The following NXPE4 variants were observed in gnomAD, a reference collection of about 807,000 sequenced individuals.
NXPE4 encodes neurexophilin and PC-esterase domain family member 4, also known as NXPE family member 4.
Under a neutral mutation model 33.3 loss-of-function variants are expected in NXPE4, and 42 were observed. The observed-to-expected ratio is 1.26, with a 90% CI of 0.98 to 1.63. The LOEUF (loss-of-function observed/expected upper bound fraction) is 1.63. NXPE4 is among the 40% of genes most tolerant of loss of function. The pLI, the probability that NXPE4 is intolerant of heterozygous loss-of-function variation, is 0.00. For missense variants in NXPE4, 709 were observed against 647.6 expected, an observed-to-expected ratio of 1.09 and a Z score of -1.03; for synonymous variants, 253 against 234.9, an observed-to-expected ratio of 1.08 and a Z score of -0.71.
chr11:114,639,781 A>G, the NXPE4 span, among the ~76,000 whole-genome samples: 3 of 127,800 alleles, frequency 2.3e-5, no homozygotes, highest in East Asian at 4.3e-4. Flanking sequence ...ATAATATAAA[A>G]TATAATATAT....
rs1004302011 is a variant in NXPE4 at position 114,582,660 on chromosome 11, C to T, written c.458G>A (p.Gly153Glu). 6.8e-6 allele frequency: 11 copies of T among 1,614,052 alleles called. No individual in the cohort carries two copies. The African/African-American group carries it at 1.2e-4, about 18-fold the overall frequency. The change falls in exon 3 of 6, where the codon GGA becomes GAA. Residue 153 changes from glycine (G) to glutamate (E), a missense_variant. By Grantham distance (98) the Gly-to-Glu change is moderately conservative. Transcript: ENST00000375478. ...GCCGTTGTTGAAGTCAGTCACCTTTCCTGAAGCACCTGCCATCAGCGCTGG... is the reference window on the plus strand; with the variant it reads ...GCCGTTGTTGAAGTCAGTCACCTTTTCTGAAGCACCTGCCATCAGCGCTGG... ...SSPALMAGAS[G>E]KVTDFNNGTY...
upstream of NXPE4, among the ~76,000 whole-genome samples, chr11:114,599,438 G>T (rs1565342223): frequency 6.6e-6 from 1 of 152,106 alleles, no homozygotes; most frequent in Non-Finnish European, 1.5e-5. Context: ...TCCAGTTAAA[G>T]TTGCTTTGAC....
At chr11:114,666,156 T>G in the NXPE4 span, among the ~76,000 whole-genome samples, 1 of 152,118 alleles carries the variant, frequency 6.6e-6, no homozygotes, top group Non-Finnish European at 1.5e-5. Context: ...ACCTTCTCCT[T>G]CTCTCTCTAA....
intron 2 of NXPE4, chr11:114,583,824 G>C: frequency 2.4e-6 from 1 of 421,946 alleles, no homozygotes; most frequent in South Asian, 1.9e-5. Flanking sequence ...TATATTACAG[G>C]CTAGGCCAGG....
chr11:114,601,789 G>GTAATATA, the NXPE4 span, among the ~76,000 whole-genome samples: 46 of 64,238 alleles, frequency 7.2e-4, 4 homozygotes, highest in Non-Finnish European at 1.0e-3. Context: ...TATATAACAT[G>GTAATATA]TGATATATGA....
At chr11:114,586,180 C>A (rs1048512413) in intron 2 of NXPE4, among the ~76,000 whole-genome samples, 1 of 152,192 alleles carries the variant, frequency 6.6e-6, no homozygotes, top group African/African-American at 2.4e-5. Flanking sequence ...CCAAAAGACC[C>A]ACTTAAATCC....
the NXPE4 span, among the ~76,000 whole-genome samples, chr11:114,646,830 C>T: frequency 6.6e-6 from 1 of 152,036 alleles, no homozygotes; most frequent in African/African-American, 2.4e-5. Flanking sequence ...CAAAGCAGGA[C>T]CATATGTGAT....
At chr11:114,645,966 A>G in the NXPE4 span, among the ~76,000 whole-genome samples, 21 of 152,142 alleles carry the variant, frequency 1.4e-4, no homozygotes, top group Admixed American at 1.3e-3. Context: ...TTAAATATGT[A>G]TATAGCCTTT....
At chr11:114,610,320 C>G in the NXPE4 span, among the ~76,000 whole-genome samples, 1 of 151,290 alleles carries the variant, frequency 6.6e-6, no homozygotes, top group Non-Finnish European at 1.5e-5. Context: ...CACTGTTATC[C>G]GGTGAATAAT....
the NXPE4 span, among the ~76,000 whole-genome samples, chr11:114,607,681 T>C: frequency 6.7e-6 from 1 of 150,078 alleles, no homozygotes; most frequent in Admixed American, 6.6e-5. Flanking sequence ...AGTGTTGAGT[T>C]GCGGGTAACC....
chr11:114,620,406 A>T, the NXPE4 span, among the ~76,000 whole-genome samples: 1 of 151,828 alleles, frequency 6.6e-6, no homozygotes, highest in Non-Finnish European at 1.5e-5. Flanking sequence ...TACCCATTGG[A>T]TAATAAGTGT....
At chr11:114,634,957 G>C in the NXPE4 span, among the ~76,000 whole-genome samples, 1 of 151,872 alleles carries the variant, frequency 6.6e-6, no homozygotes, top group Admixed American at 6.6e-5. Flanking sequence ...GCCCTTTTTT[G>C]GTTCCATATG....
intron 5 of NXPE4, among the ~76,000 whole-genome samples, chr11:114,572,182 C>G (rs944823538): frequency 6.6e-6 from 1 of 152,138 alleles, no homozygotes; most frequent in Non-Finnish European, 1.5e-5. Context: ...TAAACCACAT[C>G]AAGGGAGCAC....
chr11:114,582,175 G>A (rs1259586679), intron 3 of NXPE4, 113 bp downstream of exon 3: 9 of 1,101,622 alleles, frequency 8.2e-6, no homozygotes, highest in East Asian at 4.8e-5. Context: ...TTCCCCAAAG[G>A]CTCTTACTAA....
the NXPE4 span, among the ~76,000 whole-genome samples, chr11:114,662,431 A>G: frequency 6.6e-6 from 1 of 152,188 alleles, no homozygotes; most frequent in Non-Finnish European, 1.5e-5. Flanking sequence ...CTAAAGTGCT[A>G]TAGGACTCTA....
the NXPE4 span, among the ~76,000 whole-genome samples, chr11:114,626,109 G>A: frequency 5.3e-5 from 8 of 152,200 alleles, no homozygotes; most frequent in Admixed American, 6.5e-5. Flanking sequence ...AGGGGCGCCC[G>A]CCATTGCCCA....
chr11:114,580,804 GA>G (rs1370432367), intron 4 of NXPE4, among the ~76,000 whole-genome samples: 1 of 152,080 alleles, frequency 6.6e-6, no homozygotes, highest in Non-Finnish European at 1.5e-5. Context: ...TTTGGCTTGG[GA>G]ACTGACCAAT....
chr11:114,591,404 C>T (rs1229901915), intron 2 of NXPE4, among the ~76,000 whole-genome samples: 2 of 152,122 alleles, frequency 1.3e-5, no homozygotes, highest in East Asian at 3.9e-4. Context: ...GTTTTCCTTC[C>T]ATGAGAGGTA....
At chr11:114,588,385 A>C (rs75895826) in intron 2 of NXPE4, among the ~76,000 whole-genome samples, 27,583 of 152,142 alleles carry the variant, frequency 0.18, 2,865 homozygotes, top group Non-Finnish European at 0.22. Flanking sequence ...TAAGTATATA[A>C]AAGCTTTCCA....
Sources: gnomAD v4.1 joint callset for allele counts (sites outside exome capture counted in the v4.1 genomes callset) on GRCh38, gnomAD v4.1.1 for gene constraint, MANE v1.5 for transcripts, NCBI Gene and HGNC (gene_info 2026-07-23, HGNC 2026-07-21) for gene names.